The following RELL1 variants were observed in gnomAD, a reference collection of about 807,000 sequenced individuals.
RELL1 encodes the protein RELT-like protein 1.
In RELL1, 10 loss-of-function variants were observed where a neutral mutation model predicts 23.0. The observed-to-expected ratio is 0.43, with a 90% CI of 0.27 to 0.74. RELL1 has a LOEUF of 0.74. Ranked by LOEUF, RELL1 falls within the 30% of genes least tolerant of loss-of-function variation. The probability of loss-of-function intolerance (pLI) is 0.19; values close to 1 mark genes in which losing one functional copy is unlikely to be tolerated. For missense variants in RELL1, 315 were observed against 364.4 expected (o/e 0.86, Z 1.10); for synonymous variants, 146 against 146.8 (o/e 0.99, Z 0.04).
chr4:37,663,497 T>C (rs1161523946), intron 1 of RELL1, among the ~76,000 whole-genome samples: 1 of 152,228 alleles, frequency 6.6e-6, no homozygotes, highest in East Asian at 1.9e-4. Flanking sequence ...TCATAAAGAA[T>C]GAGTTGCTAC....
intron 4 of RELL1, among the ~76,000 whole-genome samples, chr4:37,635,358 G>A (rs114033122): frequency 2.0e-3 from 304 of 152,264 alleles, no homozygotes; most frequent in African/African-American, 7.0e-3. Flanking sequence ...AGGCACAACA[G>A]CTCATGCCTA....
At chr4:37,640,942 T>C (rs747809489) in intron 3 of RELL1, among the ~76,000 whole-genome samples, 13 of 152,256 alleles carry the variant, frequency 8.5e-5, no homozygotes, top group East Asian at 1.9e-4. Context: ...GACAGCACTA[T>C]CAGCACATAC....
intron 4 of RELL1, among the ~76,000 whole-genome samples, chr4:37,637,739 C>A (rs1308627268): frequency 1.3e-5 from 2 of 152,220 alleles, no homozygotes; most frequent in Admixed American, 1.3e-4. Flanking sequence ...CCAATAAATG[C>A]TCCTTGTTGA....
chr4:37,612,840 T>G lies in RELL1; in HGVS notation c.*506A>C, dbSNP rs1006296968. On this transcript the variant is annotated 3_prime_UTR_variant, in exon 7 of 7. Coordinates refer to ENST00000454158, the MANE Select transcript of RELL1 (RefSeq NM_001085400.2). ...GAGCTTTTACCACTGAAGATTCATC[T>G]TTTATCTTTTGTAACAGCTAACCTG... 1 of 152,124 alleles carries G rather than the reference T, an allele frequency of 6.6e-6. No homozygotes were observed. Among genetic ancestry groups the G allele is most frequent in the South Asian group, 2.1e-4 (1 of 4,834 alleles). The allele number at this position is 152,124 out of a possible 1,614,324, so 9.4% of individuals were successfully genotyped here.
intron 3 of RELL1, among the ~76,000 whole-genome samples, chr4:37,643,779 T>C (rs760977357): frequency 1.3e-5 from 2 of 152,174 alleles, no homozygotes; most frequent in Non-Finnish European, 2.9e-5. Flanking sequence ...AACTCAAACA[T>C]GCTAGGTTAT....
chr4:37,625,865 TAATA>T (rs755972977), intron 6 of RELL1, among the ~76,000 whole-genome samples: 1 of 152,034 alleles, frequency 6.6e-6, no homozygotes, highest in Admixed American at 6.6e-5. Flanking sequence ...ATGTCGTACA[TAATA>T]AATATAGATA....
At chr4:37,662,956 G>C (rs1721406272) in intron 1 of RELL1, among the ~76,000 whole-genome samples, 1 of 152,190 alleles carries the variant, frequency 6.6e-6, no homozygotes, top group Non-Finnish European at 1.5e-5. Context: ...CCAGACTGGA[G>C]CAAGGTCAGC....
chr4:37,672,541 C>A lies in RELL1; in HGVS notation c.88+13659G>T, dbSNP rs59694931. 5.8e-3 allele frequency among the ~76,000 whole-genome samples: 884 copies of A among 152,228 alleles called. 9 individuals are homozygous for A. Among genetic ancestry groups the A allele is most frequent in the African/African-American group, 0.02 (850 of 41,522 alleles). ...AACCTTCTCAATCACAGGTTTGTGG[C>A]GGCAACAGATCAACTACCATATGGT... is the stretch of plus-strand genomic sequence containing the variant. On this transcript the variant is annotated intron_variant, in intron 1 of 6. Coordinates refer to ENST00000454158, the MANE Select transcript of RELL1 (RefSeq NM_001085400.2).
intron 1 of RELL1, among the ~76,000 whole-genome samples, chr4:37,659,795 G>A (rs1721256771): frequency 6.6e-6 from 1 of 152,062 alleles, no homozygotes; most frequent in Non-Finnish European, 1.5e-5. Context: ...ATGTCCACAA[G>A]GCCAAATCCA....
intron 3 of RELL1, 76 bp from the exon 4 acceptor site, chr4:37,638,580 A>G: frequency 9.1e-7 from 1 of 1,101,456 alleles, no homozygotes; most frequent in South Asian, 1.5e-5. Flanking sequence ...AAGCTGTTGA[A>G]AACACATCTA....
At chr4:37,630,535 T>A (rs1720094608) in intron 6 of RELL1, among the ~76,000 whole-genome samples, 2 of 151,878 alleles carry the variant, frequency 1.3e-5, no homozygotes, top group African/African-American at 4.8e-5. Context: ...CGGCTACTTT[T>A]TTGTATTTTT....
chr4:37,646,613 T>C (rs1004069645), intron 3 of RELL1, among the ~76,000 whole-genome samples: 1 of 152,192 alleles, frequency 6.6e-6, no homozygotes, highest in Non-Finnish European at 1.5e-5. Context: ...TTTACCACAA[T>C]TTTTTTAAGC....
At chr4:37,667,950 A>G (rs1452911068) in intron 1 of RELL1, among the ~76,000 whole-genome samples, 2 of 152,118 alleles carry the variant, frequency 1.3e-5, no homozygotes, top group Admixed American at 1.3e-4. Flanking sequence ...AAATGATCTC[A>G]ATTGTGAATG....
At chr4:37,634,068 G>T (rs551980536) in intron 5 of RELL1, among the ~76,000 whole-genome samples, 9 of 152,360 alleles carry the variant, frequency 5.9e-5, no homozygotes, top group East Asian at 1.9e-4. Flanking sequence ...TGCAGTTCCT[G>T]CATGGGACTC....
chr4:37,660,793 A>G (rs1363619462), intron 1 of RELL1, among the ~76,000 whole-genome samples: 1 of 152,174 alleles, frequency 6.6e-6, no homozygotes, highest in Non-Finnish European at 1.5e-5. Flanking sequence ...GCACTTTGGG[A>G]GGCCAAGGCG....
chr4:37,637,948 T>C (rs1455051799), intron 4 of RELL1, among the ~76,000 whole-genome samples: 1 of 152,184 alleles, frequency 6.6e-6, no homozygotes, highest in Non-Finnish European at 1.5e-5. Context: ...AACAACCCTA[T>C]AAAGCTGGTA....
downstream of RELL1, among the ~76,000 whole-genome samples, chr4:37,608,647 T>A: frequency 1.4e-5 from 1 of 71,490 alleles, no homozygotes; most frequent in Admixed American, 1.2e-4. Flanking sequence ...TTAAATTTAA[T>A]TTTTTTTTTT....
intron 1 of RELL1, among the ~76,000 whole-genome samples, chr4:37,652,076 A>G (rs1720968474): frequency 1.3e-5 from 2 of 152,354 alleles, no homozygotes; most frequent in South Asian, 4.1e-4. Flanking sequence ...CTCCTGCATC[A>G]TAATGATTAT....
Position 37,686,064 on chromosome 4 carries a change from G to A in RELL1, c.88+136C>T, listed in dbSNP as rs1241116161. On this transcript the variant is annotated intron_variant, in intron 1 of 6. Transcript: ENST00000454158. ...TGCCCGGACCGCCGCGGGACAGCCA[G>A]TTGTTCAGTGCCGGGATCCCGCGGC... 5 of 740,850 alleles carry A rather than the reference G, an allele frequency of 6.7e-6. No individual in the cohort carries two copies. The East Asian group carries it at 1.3e-4, about 19-fold the overall frequency. The allele number at this position is 740,850 out of a possible 1,614,324, so 45.9% of individuals were successfully genotyped here. A position where few individuals can be genotyped will look rare whatever the true frequency, so the allele number is the denominator to read the frequency against.
Sources: allele counts gnomAD v4.1 joint callset (sites outside exome capture counted in the v4.1 genomes callset), GRCh38; gene constraint gnomAD v4.1.1; transcripts MANE v1.5; gene names NCBI Gene and HGNC (gene_info 2026-07-23, HGNC 2026-07-21).